Variants in DMAC2 observed in about 807,000 individuals in gnomAD.
DMAC2 encodes distal membrane-arm assembly complex protein 2.
A neutral mutation model predicts 29.6 loss-of-function variants in DMAC2; 32 were observed. The ratio of observed to expected loss-of-function variants is 1.08; its 90% CI spans 0.81 to 1.45. DMAC2 has a LOEUF of 1.45. Ranked by LOEUF, DMAC2 falls within the 40% of genes most tolerant of loss-of-function variation. DMAC2 has a pLI of 0.00. For synonymous variants in DMAC2, 133 were observed against 137.4 expected, an observed-to-expected ratio of 0.97 and a Z score of 0.23; for missense variants, 319 against 340.0, an observed-to-expected ratio of 0.94 and a Z score of 0.49.
At chr19:41,436,155 C>T (rs143714997) in intron 3 of DMAC2, among the ~76,000 whole-genome samples, 31 of 152,208 alleles carry the variant, frequency 2.0e-4, no homozygotes, top group African/African-American at 5.1e-4. Context: ...GGATTACAGG[C>T]GTGAGCCACC....
intron 1 of DMAC2, chr19:41,439,590 C>G: frequency 6.6e-7 from 1 of 1,521,172 alleles, no homozygotes; most frequent in Non-Finnish European, 8.8e-7. Context: ...TCATCCCTCC[C>G]TCTGATTGGT....
intron 3 of DMAC2, 87 bp from the exon 4 acceptor site, chr19:41,433,760 A>T: frequency 6.5e-7 from 1 of 1,530,646 alleles, no homozygotes; most frequent in Non-Finnish European, 9.0e-7. Flanking sequence ...GCCCTATATA[A>T]TATGTATAGG....
rs148293886 is a variant in DMAC2 at position 41,432,273 on chromosome 19, C to T, written c.732G>A (p.Pro244=). 14 of 1,614,138 alleles carry T rather than the reference C, an allele frequency of 8.7e-6. No homozygotes were observed. Among genetic ancestry groups the T allele is most frequent in the Admixed American group, 5.0e-5 (3 of 60,016 alleles). Residue 244 remains proline (P), a synonymous_variant, in exon 6 of 6, where the codon CCG becomes CCA. Coordinates refer to ENST00000221943, the MANE Select transcript of DMAC2 (RefSeq NM_018035.3). ...TGGCTGTGTCCCGAGGCTGCTCCTCCGGCCCTGACTTCAGGCCCTCAGCCC... is the reference window on the plus strand; with the variant it reads ...TGGCTGTGTCCCGAGGCTGCTCCTCTGGCCCTGACTTCAGGCCCTCAGCCC... ...VDWAEGLKSG[P]EEQPRDTASP...
chr19:41,433,257 G>C lies in DMAC2; in HGVS notation c.596+15C>G, dbSNP rs782551749. Reference sequence around the variant, plus strand: ...GGTGCCTGGGCATGTGGCCCAGCCTGAGCTGAGGTCTCACTGGAGGTGGTG... The same window carrying C: ...GGTGCCTGGGCATGTGGCCCAGCCTCAGCTGAGGTCTCACTGGAGGTGGTG... On this transcript the variant is annotated intron_variant, in intron 5 of 5. Coordinates refer to ENST00000221943, the MANE Select transcript of DMAC2 (RefSeq NM_018035.3). 8 of 1,601,600 alleles carry C rather than the reference G, an allele frequency of 5.0e-6. No individual in the cohort carries two copies. Among genetic ancestry groups the C allele is most frequent in the Non-Finnish European group, 6.8e-6 (8 of 1,175,950 alleles).
chr19:41,433,105 C>A (rs1457194271), intron 5 of DMAC2, 167 bp downstream of exon 5: 2 of 743,572 alleles, frequency 2.7e-6, no homozygotes, highest in Non-Finnish European at 4.1e-6. Flanking sequence ...TTAATTCTTC[C>A]AGAGACTCAC....
chr19:41,438,132 C>T, intron 2 of DMAC2, 86 bp downstream of exon 2: 1 of 1,308,394 alleles, frequency 7.6e-7, no homozygotes, highest in Non-Finnish European at 1.1e-6. Context: ...CTGGAAGCCA[C>T]AGTGCTGCCT....
At chr19:41,436,337 TAGAG>T (rs1179974348) in intron 3 of DMAC2, 51 bp downstream of exon 3, 11 of 1,500,196 alleles carry the variant, frequency 7.3e-6, no homozygotes, top group Non-Finnish European at 9.3e-6. Flanking sequence ...ACCTGGATGT[TAGAG>T]AGATACCCCA....
At chr19:41,437,485 G>C (rs2039930489) in intron 2 of DMAC2, among the ~76,000 whole-genome samples, 1 of 152,188 alleles carries the variant, frequency 6.6e-6, no homozygotes, top group South Asian at 2.1e-4. Context: ...GATCACCTGA[G>C]GTCAGGAGTT....
At chr19:41,437,990 T>C (rs532048515) in intron 2 of DMAC2, among the ~76,000 whole-genome samples, 2 of 152,258 alleles carry the variant, frequency 1.3e-5, no homozygotes, top group Admixed American at 6.5e-5. Flanking sequence ...GGTTTGGCTT[T>C]AGCCATGTTA....
At chr19:41,437,028 C>T (rs1227343722) in intron 2 of DMAC2, among the ~76,000 whole-genome samples, 2 of 152,130 alleles carry the variant, frequency 1.3e-5, no homozygotes, top group African/African-American at 2.4e-5. Flanking sequence ...ATGTTTTAGG[C>T]CTTGGAGATT....
At chr19:41,438,704 A>T (rs2040000051) in intron 1 of DMAC2, among the ~76,000 whole-genome samples, 1 of 152,046 alleles carries the variant, frequency 6.6e-6, no homozygotes, top group Non-Finnish European at 1.5e-5. Flanking sequence ...CAAAACCTGC[A>T]TTATTTGACC....
In DMAC2 at chr19:41,432,139, G is replaced by A. The variant is rs1015039875; in HGVS notation, c.*92C>T. 8 of 1,438,556 alleles carry A rather than the reference G, an allele frequency of 5.6e-6. No homozygotes were observed. The highest frequency in any genetic ancestry group is 7.6e-6 in the Non-Finnish European group (8 of 1,048,220). The allele number at this position is 1,438,556 out of a possible 1,614,324, so 89.1% of individuals were successfully genotyped here. On this transcript the variant is annotated 3_prime_UTR_variant, in exon 6 of 6. Coordinates refer to ENST00000221943, the MANE Select transcript of DMAC2 (RefSeq NM_018035.3). ...CACCACTCCCCCACCCTGACGTTGA[G>A]TGAAGACAAATGGAAGCCAGAAGTG... is the stretch of plus-strand genomic sequence containing the variant.
At position 41,436,428 on chromosome 19, in the gene DMAC2, C is replaced by T; in HGVS notation, c.260G>A (p.Gly87Asp). ...LEKQHGPYGAGAFFILKQGGA... is the reference protein window; with the variant it reads ...LEKQHGPYGADAFFILKQGGA... The stretch of plus-strand genomic sequence containing the variant: ...TCCCTGCTTCAGGATGAAAAAGGCA[C>T]CTGCGCCGTATGGACCATGTTGCTT... Residue 87 changes from glycine (G) to aspartate (D), a missense_variant, in exon 3 of 6, where the codon GGT (glycine) becomes GAT (aspartate). Physicochemically the swap from Gly to Asp is moderately conservative, Grantham distance 94. Coordinates refer to ENST00000221943, the MANE Select transcript of DMAC2 (RefSeq NM_018035.3). 6.2e-7 allele frequency: 1 copy of T among 1,614,184 alleles called. No homozygotes were observed. Among genetic ancestry groups the T allele is most frequent in the East Asian group, 2.2e-5 (1 of 44,888 alleles).
chr19:41,432,302 C>T lies in DMAC2; in HGVS notation c.703G>A (p.Asp235Asn), dbSNP rs782440252. 6.8e-6 allele frequency: 11 copies of T among 1,614,158 alleles called. No homozygotes were observed. Among genetic ancestry groups the T allele is most frequent in the South Asian group, 1.1e-5 (1 of 91,084 alleles). ...CCTGACTTCAGGCCCTCAGCCCAGT[C>T]GACTCCCACAACCTCGCAATTGGGC... The part of the protein sequence containing the change: ...MLPNCEVVGV[D>N]WAEGLKSGPE... Residue 235 changes from aspartate (D) to asparagine (N), a missense_variant, in exon 6 of 6, where the codon GAC becomes AAC. Physicochemically the swap from Asp to Asn is conservative, Grantham distance 23. Coordinates refer to ENST00000221943, the MANE Select transcript of DMAC2 (RefSeq NM_018035.3).
At chr19:41,439,240 G>T in intron 1 of DMAC2, 24 of 405,362 alleles carry the variant, frequency 5.9e-5, no homozygotes, top group Middle Eastern at 3.7e-4. Flanking sequence ...AAATTATCTC[G>T]ATAATTTTAC....
rs782050291 is a variant in DMAC2 at position 41,432,262 on chromosome 19, G to A, written c.743C>T (p.Pro248Leu). The A allele has an allele frequency of 1.2e-6, 2 of 1,614,106 alleles. No homozygotes were observed. The highest frequency in any genetic ancestry group is 1.1e-5 in the South Asian group (1 of 91,084). ...AGGGACAGGGCTGGCTGTGTCCCGA[G>A]GCTGCTCCTCCGGCCCTGACTTCAG... ...EGLKSGPEEQ[P>L]RDTASPVPA The change falls in exon 6 of 6, where the codon CCT becomes CTT. Residue 248 changes from proline (P) to leucine (L), a missense_variant. Physicochemically the swap from Pro to Leu is moderately conservative, Grantham distance 98. Coordinates refer to ENST00000221943, the MANE Select transcript of DMAC2 (RefSeq NM_018035.3).
In DMAC2 at chr19:41,431,872, T is replaced by A; in HGVS notation, c.*359A>T. ...CCTGTAAAGTGTCAGTAGTAGCCCC[T>A]GTGTCAGTCAGGGTCCCTGCAAGAA... On this transcript the variant is annotated 3_prime_UTR_variant, in exon 6 of 6. Coordinates refer to ENST00000221943, the MANE Select transcript of DMAC2 (RefSeq NM_018035.3). 3.3e-6 allele frequency: 1 copy of A among 303,256 alleles called. No homozygotes were observed. The highest frequency in any genetic ancestry group is 6.2e-6 in the Non-Finnish European group (1 of 160,146). 18.8% of individuals were successfully genotyped at this position (303,256 alleles called of 1,614,324 possible).
chr19:41,435,178 A>G (rs1397325135), intron 3 of DMAC2, among the ~76,000 whole-genome samples: 1 of 151,914 alleles, frequency 6.6e-6, no homozygotes, highest in Admixed American at 6.6e-5. Context: ...AGGTTTCACT[A>G]TGTTGCCGAG....
At chr19:41,434,415 A>AG (rs1555770602) in intron 3 of DMAC2, among the ~76,000 whole-genome samples, 1 of 151,486 alleles carries the variant, frequency 6.6e-6, no homozygotes, top group Non-Finnish European at 1.5e-5. Context: ...AAAAAAAAAA[A>AG]AAAGGAATGT....
Sources: allele counts gnomAD v4.1 joint callset (sites outside exome capture counted in the v4.1 genomes callset), GRCh38; gene constraint gnomAD v4.1.1; transcripts MANE v1.5; gene names NCBI Gene and HGNC (gene_info 2026-07-23, HGNC 2026-07-21).